Variants in AHCY observed in about 807,000 individuals in gnomAD.
The protein encoded by AHCY is S-adenosyl-L-homocysteine hydrolase.
Under a neutral mutation model 45.4 loss-of-function variants are expected in AHCY, and 24 were observed. The observed-to-expected ratio is 0.53, with a 90% CI of 0.38 to 0.74. AHCY has a LOEUF of 0.74. Among genes scored for constraint, AHCY ranks in the 30% least tolerant of loss-of-function variants. The pLI, the probability that AHCY is intolerant of heterozygous loss-of-function variation, is 0.00. For synonymous variants in AHCY, 245 were observed against 235.1 expected (o/e 1.04, Z -0.39); for missense variants, 449 against 594.1 (o/e 0.76, Z 2.54).
chr20:34,269,243 G>C, the AHCY span: 1 of 1,422,700 alleles, frequency 7.0e-7, no homozygotes, highest in Non-Finnish European at 9.1e-7. Context: ...ATCCCTAACA[G>C]GGCGGCTTCC....
rs759045266 is a variant in AHCY at position 34,291,401 on chromosome 20, C to T, written c.558+18G>A. On this transcript the variant is annotated intron_variant, in intron 5 of 9. Coordinates refer to ENST00000217426, the MANE Select transcript of AHCY (RefSeq NM_000687.4). Reference sequence around the variant, plus strand: ...CTGCAGCCACTGTAGCGGGAGCTGTCACTGCCCCTCGGCTCACCTTGGTGA... The same window carrying T: ...CTGCAGCCACTGTAGCGGGAGCTGTTACTGCCCCTCGGCTCACCTTGGTGA... 15 of 1,607,606 alleles carry T rather than the reference C, an allele frequency of 9.3e-6. No homozygotes were observed. In the South Asian group the frequency reaches 1.5e-4, roughly 17 times the overall value.
At chr20:34,275,829 A>G (rs1014139727), downstream of AHCY, among the ~76,000 whole-genome samples, 1 of 151,366 alleles carries the variant, frequency 6.6e-6, no homozygotes, top group Non-Finnish European at 1.5e-5. Flanking sequence ...GGCGTGCATC[A>G]CCATGCCCGG....
chr20:34,262,350 T>A, the AHCY span, among the ~76,000 whole-genome samples: 1 of 152,228 alleles, frequency 6.6e-6, no homozygotes, highest in Non-Finnish European at 1.5e-5. Flanking sequence ...ATAGTCATTA[T>A]ATTGGCAGAG....
chr20:34,245,591 A>G, the AHCY span, among the ~76,000 whole-genome samples: 1 of 151,552 alleles, frequency 6.6e-6, no homozygotes, highest in Non-Finnish European at 1.5e-5. Context: ...GGGTTTCACC[A>G]TATTGGCCAG....
the AHCY span, among the ~76,000 whole-genome samples, chr20:34,241,039 G>T: frequency 1.3e-5 from 2 of 152,124 alleles, no homozygotes; most frequent in African/African-American, 2.4e-5. Flanking sequence ...TGCTATCCAC[G>T]GACAGGAAAG....
chr20:34,258,870 AT>A, the AHCY span, among the ~76,000 whole-genome samples: 2,320 of 127,332 alleles, frequency 0.018, 52 homozygotes, highest in South Asian at 0.08. Flanking sequence ...GATATATATA[AT>A]ACTATATATA....
chr20:34,246,151 C>T, the AHCY span: 13 of 1,001,610 alleles, frequency 1.3e-5, no homozygotes, highest in African/African-American at 8.2e-5. Context: ...CAAGGCCACA[C>T]ACTCTTGTCA....
chr20:34,268,506 T>C, the AHCY span, among the ~76,000 whole-genome samples: 1 of 152,020 alleles, frequency 6.6e-6, no homozygotes, highest in African/African-American at 2.4e-5. Flanking sequence ...GCAGATCACT[T>C]TAGCTCAAGA....
intron 8 of AHCY, 119 bp from the exon 9 acceptor site, chr20:34,285,753 A>G (rs2036160522): frequency 9.5e-7 from 1 of 1,053,270 alleles, no homozygotes; most frequent in Admixed American, 2.0e-5. Context: ...ACTGCTCCAA[A>G]ACAACCTCCA....
exon 1 of AHCY, chr20:34,311,590 C>G (rs954960894): frequency 6.6e-6 from 1 of 152,456 alleles, no homozygotes; most frequent in African/African-American, 2.4e-5. Context: ...TTAGCCTGCC[C>G]TAGCTTCAGC....
At chr20:34,260,236 C>G in the AHCY span, 1 of 902,278 alleles carries the variant, frequency 1.1e-6, no homozygotes, top group Admixed American at 2.3e-5. Flanking sequence ...CTTGCTAATC[C>G]TCCAGCTCCA....
chr20:34,303,006 C>A (rs1005422573), intron 1 of AHCY: 16 of 985,444 alleles, frequency 1.6e-5, no homozygotes, highest in Non-Finnish European at 1.9e-5. Flanking sequence ...GCAGACCGCG[C>A]GGCGGCCCCG....
chr20:34,268,802 G>A, the AHCY span, among the ~76,000 whole-genome samples: 6 of 151,978 alleles, frequency 3.9e-5, no homozygotes, highest in Non-Finnish European at 8.8e-5. Flanking sequence ...GGCCAGGCAA[G>A]AGCCAGGTAA....
In AHCY at chr20:34,290,532, C is replaced by G; in HGVS notation, c.854+19G>C. On this transcript the variant is annotated intron_variant, in intron 7 of 9. Coordinates refer to ENST00000217426, the MANE Select transcript of AHCY (RefSeq NM_000687.4). This position sits in a 1 kb window ranked among gnomAD's most constrained non-coding sequence, Gnocchi z 4.5. ...TGCCCTCCTCCCTCACTCCCCGGGACCCCCCATCTGGCACCTACCGGCCAA... is the reference window on the plus strand; with the variant it reads ...TGCCCTCCTCCCTCACTCCCCGGGAGCCCCCATCTGGCACCTACCGGCCAA... The G allele has an allele frequency of 6.2e-7, 1 of 1,613,840 alleles. No individual in the cohort carries two copies. The highest frequency in any genetic ancestry group is 8.5e-7 in the Non-Finnish European group (1 of 1,179,752).
chr20:34,289,128 C>A (rs932393386), intron 8 of AHCY, among the ~76,000 whole-genome samples: 2 of 152,104 alleles, frequency 1.3e-5, no homozygotes, highest in African/African-American at 4.8e-5. Context: ...CTCAGCCTCC[C>A]GAGTAGCTGG....
At chr20:34,295,743 A>C (rs2036559133) in intron 1 of AHCY, among the ~76,000 whole-genome samples, 158 bp from the exon 2 acceptor site, 1 of 152,246 alleles carries the variant, frequency 6.6e-6, no homozygotes, top group Admixed American at 6.5e-5. Flanking sequence ...GTATTTATGA[A>C]GCCAGAGTAC....
upstream of AHCY, among the ~76,000 whole-genome samples, chr20:34,307,185 C>A (rs578203097): frequency 1.3e-4 from 19 of 151,250 alleles, no homozygotes; most frequent in Admixed American, 4.6e-4. Context: ...CTCTCCCAGG[C>A]TCAAGCCATT....
At chr20:34,260,184 T>A in the AHCY span, among the ~76,000 whole-genome samples, 1 of 151,924 alleles carries the variant, frequency 6.6e-6, no homozygotes, top group Non-Finnish European at 1.5e-5. Flanking sequence ...CCATCTCTCT[T>A]CTCTCTTCTT....
At chr20:34,234,043 C>G in the AHCY span, among the ~76,000 whole-genome samples, 1 of 152,172 alleles carries the variant, frequency 6.6e-6, no homozygotes, top group Non-Finnish European at 1.5e-5. Context: ...ACACAGAGTC[C>G]CTTACTTTGT....
Sources: gnomAD v4.1 joint callset for allele counts (sites outside exome capture counted in the v4.1 genomes callset) on GRCh38, gnomAD v4.1.1 for gene constraint, Gnocchi (gnomAD v3.1) non-coding constraint, MANE v1.5 for transcripts, NCBI Gene and HGNC (gene_info 2026-07-23, HGNC 2026-07-21) for gene names.